SPOCK1: variants seen among roughly 807,000 people sequenced by gnomAD.
The protein encoded by SPOCK1 is testican-1.
A neutral mutation model predicts 55.3 loss-of-function variants in SPOCK1; 23 were observed. That is an observed-to-expected ratio of 0.42 (90% CI 0.30 to 0.59). The LOEUF (loss-of-function observed/expected upper bound fraction) is 0.59. SPOCK1 is among the 20% of genes least tolerant of loss of function. The probability of loss-of-function intolerance (pLI) is 0.22; values close to 1 mark genes in which losing one functional copy is unlikely to be tolerated. For synonymous variants in SPOCK1, 226 were observed against 221.0 expected, an observed-to-expected ratio of 1.02 and a Z score of -0.20; for missense variants, 499 against 552.5, an observed-to-expected ratio of 0.90 and a Z score of 0.97.
chr5:137,220,234 C>G (rs1189182295), intron 3 of SPOCK1, among the ~76,000 whole-genome samples: 1 of 152,202 alleles, frequency 6.6e-6, no homozygotes, highest in African/African-American at 2.4e-5. Flanking sequence ...TTGACAACTC[C>G]TCATTTCCAA....
At chr5:137,260,081 A>T (rs1756718229) in intron 3 of SPOCK1, among the ~76,000 whole-genome samples, 1 of 152,224 alleles carries the variant, frequency 6.6e-6, no homozygotes, top group Non-Finnish European at 1.5e-5. Context: ...GGACTTCAGC[A>T]ACTATCTCAT....
At chr5:137,035,534 C>T (rs565408219) in intron 6 of SPOCK1, among the ~76,000 whole-genome samples, 1 of 152,320 alleles carries the variant, frequency 6.6e-6, no homozygotes, top group African/African-American at 2.4e-5. Flanking sequence ...AGGGGGAATG[C>T]TCACCTGGGG....
chr5:137,217,709 T>C (rs1281572606), intron 3 of SPOCK1, among the ~76,000 whole-genome samples: 1 of 152,232 alleles, frequency 6.6e-6, no homozygotes. Flanking sequence ...ACATTTTTAC[T>C]GATCATCTAC....
chr5:137,019,293 C>T (rs1751513852), intron 6 of SPOCK1, among the ~76,000 whole-genome samples: 1 of 152,032 alleles, frequency 6.6e-6, no homozygotes, highest in African/African-American at 2.4e-5. Flanking sequence ...CACTTCAACA[C>T]CTGAGAAATA....
intron 3 of SPOCK1, among the ~76,000 whole-genome samples, chr5:137,263,882 T>C (rs534484108): frequency 2.0e-5 from 3 of 152,200 alleles, no homozygotes; most frequent in Non-Finnish European, 4.4e-5. Context: ...AGTCTCATCA[T>C]TGGAGAGCAC....
chr5:136,982,041 G>C (rs1750742125), intron 9 of SPOCK1, among the ~76,000 whole-genome samples: 1 of 152,112 alleles, frequency 6.6e-6, no homozygotes, highest in African/African-American at 2.4e-5. Flanking sequence ...GTAGTATTCA[G>C]TACGATAAAA....
chr5:136,987,157 C>T (rs1750859117), intron 8 of SPOCK1, among the ~76,000 whole-genome samples: 1 of 151,850 alleles, frequency 6.6e-6, no homozygotes, highest in African/African-American at 2.4e-5. Flanking sequence ...TTTAAGTGAA[C>T]AGCAAAAAAG....
At chr5:137,066,567 G>A (rs1419477401) in intron 6 of SPOCK1, among the ~76,000 whole-genome samples, 1 of 152,182 alleles carries the variant, frequency 6.6e-6, no homozygotes, top group Non-Finnish European at 1.5e-5. Flanking sequence ...GGGCTACGTA[G>A]TTGCTTAACA....
At chr5:137,194,315 T>C (rs1755254407) in intron 3 of SPOCK1, among the ~76,000 whole-genome samples, 1 of 152,186 alleles carries the variant, frequency 6.6e-6, no homozygotes, top group African/African-American at 2.4e-5. Flanking sequence ...TCACTTTTGT[T>C]AATGAGGTAT....
At chr5:137,367,725 G>A (rs903022415) in intron 2 of SPOCK1, among the ~76,000 whole-genome samples, 6 of 152,182 alleles carry the variant, frequency 3.9e-5, no homozygotes, top group Non-Finnish European at 8.8e-5. Flanking sequence ...TAAACAGTTT[G>A]GAAATCCCCT....
intron 1 of SPOCK1, 87 bp from the exon 2 acceptor site, chr5:137,498,645 G>T (rs910434692): frequency 2.0e-5 from 22 of 1,125,716 alleles, no homozygotes; most frequent in Non-Finnish European, 2.3e-5. Context: ...GCCCCAGCCC[G>T]GAGGCGGGGA....
At chr5:137,419,409 G>T (rs12521627) in intron 2 of SPOCK1, among the ~76,000 whole-genome samples, 8 of 152,000 alleles carry the variant, frequency 5.3e-5, no homozygotes, top group African/African-American at 1.7e-4. Context: ...CCATTTTCAC[G>T]ATATTGATTC....
intron 2 of SPOCK1, among the ~76,000 whole-genome samples, chr5:137,334,602 T>C (rs1398993975): frequency 1.3e-5 from 2 of 152,182 alleles, no homozygotes; most frequent in Admixed American, 1.3e-4. Flanking sequence ...AAGATAACCT[T>C]CATGGTAAAA....
At chr5:137,157,798 A>T (rs1754447117) in intron 3 of SPOCK1, among the ~76,000 whole-genome samples, 1 of 152,206 alleles carries the variant, frequency 6.6e-6, no homozygotes, top group African/African-American at 2.4e-5. Flanking sequence ...AGTGGCTTAC[A>T]CCTGCAATCC....
chr5:136,998,393 CTAAGTA>C (rs981030257), intron 6 of SPOCK1, among the ~76,000 whole-genome samples: 7 of 152,256 alleles, frequency 4.6e-5, no homozygotes, highest in African/African-American at 1.4e-4. Flanking sequence ...ATATTTATCA[CTAAGTA>C]TATTTTAAAT....
chr5:137,164,023 G>A (rs1754605302), intron 3 of SPOCK1, among the ~76,000 whole-genome samples: 1 of 152,156 alleles, frequency 6.6e-6, no homozygotes, highest in African/African-American at 2.4e-5. Flanking sequence ...CTTATATGCT[G>A]TTAAACTCTG....
intron 5 of SPOCK1, among the ~76,000 whole-genome samples, chr5:137,098,101 G>C (rs1174955777): frequency 6.6e-6 from 1 of 152,224 alleles, no homozygotes; most frequent in East Asian, 1.9e-4. Flanking sequence ...TTATCAATGT[G>C]ACACATACTG....
intron 2 of SPOCK1, among the ~76,000 whole-genome samples, chr5:137,294,390 G>C (rs1757436738): frequency 6.6e-6 from 1 of 152,168 alleles, no homozygotes; most frequent in Non-Finnish European, 1.5e-5. Flanking sequence ...TATAGGTGAA[G>C]AGACTGAGAT....
At chr5:137,249,289 A>C (rs939420460) in intron 3 of SPOCK1, among the ~76,000 whole-genome samples, 1 of 152,230 alleles carries the variant, frequency 6.6e-6, no homozygotes, top group Non-Finnish European at 1.5e-5. Flanking sequence ...TGCATGATAG[A>C]TTTAATTACA....
Sources: gnomAD v4.1 joint callset for allele counts (sites outside exome capture counted in the v4.1 genomes callset) on GRCh38, gnomAD v4.1.1 for gene constraint, MANE v1.5 for transcripts, NCBI Gene and HGNC (gene_info 2026-07-23, HGNC 2026-07-21) for gene names.